The following LINGO2 variants were observed in gnomAD, a reference collection of about 807,000 sequenced individuals.
LINGO2 encodes leucine-rich repeat and immunoglobulin-like domain-containing nogo receptor-interacting protein 2.
Under a neutral mutation model 30.6 loss-of-function variants are expected in LINGO2, and 14 were observed. The ratio of observed to expected loss-of-function variants is 0.46; its 90% confidence interval spans 0.30 to 0.72. LINGO2 has a LOEUF of 0.72. LINGO2 is among the 30% of genes least tolerant of loss of function. LINGO2 has a pLI of 0.07. For missense variants in LINGO2, 729 were observed against 751.7 expected, an observed-to-expected ratio of 0.97 and a Z score of 0.35; for synonymous variants, 317 against 288.5, an observed-to-expected ratio of 1.10 and a Z score of -1.00.
the LINGO2 span, among the ~76,000 whole-genome samples, chr9:28,955,668 G>A: frequency 2.6e-4 from 39 of 152,164 alleles, no homozygotes; most frequent in African/African-American, 9.2e-4. Context: ...TCACTGGTAA[G>A]GCCTAAAGAA....
At chr9:28,678,226 C>T in the LINGO2 span, among the ~76,000 whole-genome samples, 20 of 151,838 alleles carry the variant, frequency 1.3e-4, no homozygotes, top group Non-Finnish European at 2.6e-4. Context: ...TTTCCAGCCC[C>T]ACCTTCTGGC....
chr9:28,831,903 ATTAT>A, the LINGO2 span, among the ~76,000 whole-genome samples: 1 of 152,180 alleles, frequency 6.6e-6, no homozygotes. Context: ...TTTTATATTT[ATTAT>A]TTGACTCTTC....
intron 2 of LINGO2, among the ~76,000 whole-genome samples, chr9:28,462,515 C>T (rs572363402): frequency 6.6e-6 from 1 of 151,484 alleles, no homozygotes; most frequent in African/African-American, 2.4e-5. Flanking sequence ...CAATTGAAGA[C>T]CACAAATAGG....
intron 4 of LINGO2, among the ~76,000 whole-genome samples, chr9:28,280,270 A>G (rs1170929192): frequency 6.6e-6 from 1 of 152,198 alleles, no homozygotes; most frequent in Non-Finnish European, 1.5e-5. Context: ...CATTGTAAGT[A>G]AGATACATAA....
At chr9:29,199,953 AG>A in the LINGO2 span, among the ~76,000 whole-genome samples, 1 of 152,116 alleles carries the variant, frequency 6.6e-6, no homozygotes, top group South Asian at 2.1e-4. Context: ...AGAAAAAAAA[AG>A]CTTCAAAGTG....
At chr9:28,991,755 C>T in the LINGO2 span, among the ~76,000 whole-genome samples, 3 of 149,200 alleles carry the variant, frequency 2.0e-5, no homozygotes, top group Non-Finnish European at 3.0e-5. Context: ...ATTTCATATC[C>T]AGCCAAACTA....
the LINGO2 span, among the ~76,000 whole-genome samples, chr9:29,067,435 T>C: frequency 6.6e-6 from 1 of 151,752 alleles, no homozygotes; most frequent in African/African-American, 2.4e-5. Context: ...CTCTTATAAT[T>C]TCTTAATTTA....
chr9:28,399,463 T>C (rs973745333), intron 2 of LINGO2, among the ~76,000 whole-genome samples: 12 of 152,128 alleles, frequency 7.9e-5, no homozygotes, highest in African/African-American at 2.9e-4. Flanking sequence ...ATGTAAATAT[T>C]AGGCAAATAA....
the LINGO2 span, among the ~76,000 whole-genome samples, chr9:28,827,316 G>C: frequency 6.6e-5 from 10 of 152,020 alleles, no homozygotes; most frequent in African/African-American, 2.2e-4. Context: ...CTAATACTTA[G>C]CTTAAGTCAT....
chr9:28,658,108 T>C (rs1172593017), intron 1 of LINGO2, among the ~76,000 whole-genome samples: 59 of 152,104 alleles, frequency 3.9e-4, no homozygotes, highest in Non-Finnish European at 7.4e-5. Context: ...GATCAGAAAA[T>C]ATAATTTGTA....
the LINGO2 span, among the ~76,000 whole-genome samples, chr9:28,679,531 T>G: frequency 6.6e-6 from 1 of 152,080 alleles, no homozygotes; most frequent in Non-Finnish European, 1.5e-5. Context: ...GAAATAGCAC[T>G]TTTTTGAGGT....
chr9:28,747,405 G>A, the LINGO2 span, among the ~76,000 whole-genome samples: 3 of 151,998 alleles, frequency 2.0e-5, no homozygotes, highest in Non-Finnish European at 4.4e-5. Context: ...TCAAGTCCGT[G>A]CATGACCGGA....
intron 1 of LINGO2, among the ~76,000 whole-genome samples, chr9:28,619,777 G>A (rs1826308410): frequency 1.3e-5 from 2 of 152,024 alleles, no homozygotes; most frequent in Admixed American, 1.3e-4. Flanking sequence ...TTTTGTAAGT[G>A]GTAGTAATTT....
intron 1 of LINGO2, among the ~76,000 whole-genome samples, chr9:28,587,069 C>T (rs1824584289): frequency 6.6e-6 from 1 of 151,886 alleles, no homozygotes; most frequent in Admixed American, 6.6e-5. Context: ...ACTCAGTTTC[C>T]AGAAGAGTAA....
chr9:29,205,665 C>A, the LINGO2 span, among the ~76,000 whole-genome samples: 2 of 152,132 alleles, frequency 1.3e-5, no homozygotes, highest in Non-Finnish European at 2.9e-5. Flanking sequence ...TTAGTAAGGT[C>A]ATCTGCGCCT....
chr9:28,016,814 GGAA>G (rs547530592), intron 4 of LINGO2, among the ~76,000 whole-genome samples: 68 of 151,744 alleles, frequency 4.5e-4, no homozygotes, highest in Non-Finnish European at 7.4e-4. Flanking sequence ...AAATTGAGGA[GGAA>G]GGACTTCTCC....
At chr9:28,477,317 G>A (rs1825768869) in intron 1 of LINGO2, among the ~76,000 whole-genome samples, 1 of 151,966 alleles carries the variant, frequency 6.6e-6, no homozygotes, top group African/African-American at 2.4e-5. Context: ...TGGAAGGCAG[G>A]TGTTATTAAT....
the LINGO2 span, among the ~76,000 whole-genome samples, chr9:29,086,464 G>A: frequency 6.6e-6 from 1 of 151,740 alleles, no homozygotes; most frequent in African/African-American, 2.4e-5. Context: ...CTTAGTTCAG[G>A]CATTATGAGT....
downstream of LINGO2, among the ~76,000 whole-genome samples, chr9:27,947,364 G>C (rs1392609581): frequency 1.3e-5 from 2 of 152,054 alleles, no homozygotes; most frequent in African/African-American, 4.8e-5. Flanking sequence ...AATTGGATAA[G>C]TATCCTTGGG....
Sources: allele counts gnomAD v4.1 joint callset (sites outside exome capture counted in the v4.1 genomes callset), GRCh38; gene constraint gnomAD v4.1.1; transcripts MANE v1.5; gene names NCBI Gene and HGNC (gene_info 2026-07-23, HGNC 2026-07-21).